The following AQP7B variants were observed in gnomAD, a reference collection of about 807,000 sequenced individuals.
AQP7B encodes the protein putative aquaporin-7B.
At chr2:94,587,825 T>C in the AQP7B span, among the ~76,000 whole-genome samples, 1 of 151,758 alleles carries the variant, frequency 6.6e-6, no homozygotes, top group Non-Finnish European at 1.5e-5. Context: ...TCCCATGCAG[T>C]CCCCTCCTGA....
the AQP7B span, among the ~76,000 whole-genome samples, chr2:94,588,120 C>T: frequency 2.6e-5 from 4 of 151,876 alleles, no homozygotes; most frequent in Admixed American, 2.6e-4. Flanking sequence ...AGGTCCTGGA[C>T]AGTCGCAGCT....
At chr2:94,603,423 C>T in the AQP7B span, 8 of 1,609,514 alleles carry the variant, frequency 5.0e-6, no homozygotes, top group Admixed American at 3.3e-5. Context: ...TGATGGTGAC[C>T]GGTCCCTTTG....
chr2:94,596,541 C>T, the AQP7B span, among the ~76,000 whole-genome samples: 1 of 152,152 alleles, frequency 6.6e-6, no homozygotes, highest in Non-Finnish European at 1.5e-5. Context: ...CACTGAGTGA[C>T]CAGTTGGCCT....
chr2:94,592,152 C>T, the AQP7B span, among the ~76,000 whole-genome samples: 1 of 152,146 alleles, frequency 6.6e-6, no homozygotes, highest in Non-Finnish European at 1.5e-5. Context: ...GTCCACTTCT[C>T]TCTCCTCTTC....
chr2:94,592,311 G>T, the AQP7B span, among the ~76,000 whole-genome samples: 1 of 152,138 alleles, frequency 6.6e-6, no homozygotes, highest in South Asian at 2.1e-4. Flanking sequence ...AATGAGAGAC[G>T]TCCAGGCATG....
the AQP7B span, chr2:94,603,769 A>G: frequency 6.5e-7 from 1 of 1,532,420 alleles, no homozygotes; most frequent in Non-Finnish European, 8.9e-7. Flanking sequence ...CCAGGAGAAC[A>G]ACCCAGCACT....
the AQP7B span, among the ~76,000 whole-genome samples, chr2:94,588,973 G>T: frequency 7.0e-4 from 98 of 140,928 alleles, 2 homozygotes; most frequent in South Asian, 6.6e-3. Context: ...TTTCTTTTCT[G>T]TTTTTTTTTC....
the AQP7B span, among the ~76,000 whole-genome samples, chr2:94,601,487 AC>A: frequency 6.6e-6 from 1 of 152,168 alleles, no homozygotes; most frequent in Non-Finnish European, 1.5e-5. Flanking sequence ...ACGTGGTAAA[AC>A]CATGCCTGAA....
the AQP7B span, among the ~76,000 whole-genome samples, chr2:94,591,293 C>A: frequency 6.6e-6 from 1 of 152,176 alleles, no homozygotes; most frequent in Non-Finnish European, 1.5e-5. Context: ...TGTCCATTCT[C>A]CCACAGCTTC....
chr2:94,598,592 C>T, the AQP7B span, among the ~76,000 whole-genome samples: 2 of 152,178 alleles, frequency 1.3e-5, no homozygotes, highest in African/African-American at 2.4e-5. Flanking sequence ...GTATAGCTGC[C>T]GCCACTCCAG....
At chr2:94,602,825 G>A in the AQP7B span, among the ~76,000 whole-genome samples, 4 of 152,152 alleles carry the variant, frequency 2.6e-5, no homozygotes, top group Admixed American at 6.5e-5. Flanking sequence ...TCACTGGCTG[G>A]GTCATCTTAG....
the AQP7B span, chr2:94,603,253 T>C: frequency 7.2e-7 from 1 of 1,389,508 alleles, no homozygotes; most frequent in South Asian, 1.3e-5. Flanking sequence ...CTCAGTGTCC[T>C]GATTTGTAAA....
chr2:94,596,083 G>T, the AQP7B span, among the ~76,000 whole-genome samples: 5 of 152,356 alleles, frequency 3.3e-5, no homozygotes, highest in African/African-American at 7.2e-5. Context: ...ATGACAGAGG[G>T]GGGCAGTGGT....
chr2:94,594,138 T>C, the AQP7B span, among the ~76,000 whole-genome samples: 2 of 152,226 alleles, frequency 1.3e-5, no homozygotes, highest in Non-Finnish European at 2.9e-5. Flanking sequence ...ACTCACTCTC[T>C]CACAAACCTC....
chr2:94,597,625 T>G, the AQP7B span, among the ~76,000 whole-genome samples: 181 of 150,204 alleles, frequency 1.2e-3, 1 homozygote, highest in African/African-American at 4.3e-3. Context: ...TTTTTTTTTT[T>G]GTTTTTTTTT....
the AQP7B span, among the ~76,000 whole-genome samples, chr2:94,599,323 C>T: frequency 6.6e-5 from 10 of 152,266 alleles, no homozygotes; most frequent in African/African-American, 2.2e-4. Context: ...CTCTGGGCTC[C>T]CCTGCTTCTG....
At chr2:94,597,397 C>T in the AQP7B span, among the ~76,000 whole-genome samples, 2 of 152,166 alleles carry the variant, frequency 1.3e-5, no homozygotes, top group Non-Finnish European at 2.9e-5. Context: ...TTGAGATTTT[C>T]ATTGAGCACC....
chr2:94,603,792 C>G, the AQP7B span: 6 of 1,528,142 alleles, frequency 3.9e-6, no homozygotes, highest in South Asian at 7.1e-5. Flanking sequence ...CAGGAACACA[C>G]GCGCTGGTGA....
At chr2:94,594,001 C>T in the AQP7B span, among the ~76,000 whole-genome samples, 2 of 152,190 alleles carry the variant, frequency 1.3e-5, no homozygotes, top group African/African-American at 4.8e-5. Flanking sequence ...CCAGTTTTCA[C>T]TCATTCAACA....
Sources: allele counts gnomAD v4.1 joint callset (sites outside exome capture counted in the v4.1 genomes callset), GRCh38; gene constraint gnomAD v4.1.1; transcripts MANE v1.5; gene names NCBI Gene and HGNC (gene_info 2026-07-23, HGNC 2026-07-21).